The following SGCZ variants were observed in gnomAD, a reference collection of about 807,000 sequenced individuals.
SGCZ encodes sarcoglycan zeta, also known as zeta-sarcoglycan.
Under a neutral mutation model 41.3 loss-of-function variants are expected in SGCZ, and 40 were observed. That is an observed-to-expected ratio of 0.97 (90% confidence interval 0.75 to 1.26). The LOEUF (loss-of-function observed/expected upper bound fraction) is 1.26, where lower values mean the gene tolerates loss of function less well. SGCZ is among the 50% of genes most tolerant of loss of function. SGCZ has a pLI of 0.00. For synonymous variants in SGCZ, 206 were observed against 137.5 expected (o/e 1.50, Z -3.49); for missense variants, 552 against 369.8 (o/e 1.49, Z -4.04).
Position 14,102,373 on chromosome 8 carries a change from C to T in SGCZ, c.744+3G>A. 6.8e-7 allele frequency: 1 copy of T among 1,479,484 alleles called. No homozygotes were observed. The allele number at this position is 1,479,484 out of a possible 1,614,324, so 91.6% of individuals were successfully genotyped here. A position where few individuals can be genotyped will look rare whatever the true frequency, so the allele number is the denominator to read the frequency against. On this transcript the variant is annotated splice_donor_region_variant and intron_variant, in intron 7 of 7. Transcript: ENST00000382080. ...GGCGAGGGTCCAACTTTCTGGGACT[C>T]ACCTCCCCTTCTGTAGATTGCAGAT...
At chr8:14,245,143 G>T (rs1475969194) in intron 3 of SGCZ, among the ~76,000 whole-genome samples, 1 of 152,126 alleles carries the variant, frequency 6.6e-6, no homozygotes, top group Non-Finnish European at 1.5e-5. Flanking sequence ...GAAGAGGAGT[G>T]GTGAGAAAGG....
At chr8:14,488,985 G>T (rs939298481) in intron 2 of SGCZ, among the ~76,000 whole-genome samples, 1 of 145,884 alleles carries the variant, frequency 6.9e-6, no homozygotes, top group Non-Finnish European at 1.5e-5. Context: ...TATATATATA[G>T]ATATACATAA....
At chr8:14,672,323 G>A (rs954273486) in intron 1 of SGCZ, among the ~76,000 whole-genome samples, 1 of 152,048 alleles carries the variant, frequency 6.6e-6, no homozygotes, top group African/African-American at 2.4e-5. Flanking sequence ...ATATTCCATA[G>A]CGGAAAACCA....
intron 5 of SGCZ, among the ~76,000 whole-genome samples, chr8:14,140,263 A>G (rs1803326732): frequency 6.6e-6 from 1 of 152,220 alleles, no homozygotes; most frequent in Non-Finnish European, 1.5e-5. Flanking sequence ...AACTGGCACA[A>G]GACAAGGATG....
intron 3 of SGCZ, among the ~76,000 whole-genome samples, chr8:14,241,820 G>T (rs986695759): frequency 6.6e-6 from 1 of 152,058 alleles, no homozygotes. Flanking sequence ...GGGCATGGCT[G>T]CAATTTTCTA....
intron 2 of SGCZ, among the ~76,000 whole-genome samples, chr8:14,450,493 T>C (rs190226627): frequency 1.3e-5 from 2 of 152,316 alleles, no homozygotes; most frequent in East Asian, 3.9e-4. Flanking sequence ...AGTACAGTCA[T>C]ATGCCTTATC....
At chr8:15,141,221 A>T (rs1585605912) in intron 1 of SGCZ, among the ~76,000 whole-genome samples, 1 of 152,360 alleles carries the variant, frequency 6.6e-6, no homozygotes, top group African/African-American at 2.4e-5. Context: ...TTTCCCACAC[A>T]ACCCACATAA....
chr8:14,232,264 C>T (rs2117152586), intron 4 of SGCZ, among the ~76,000 whole-genome samples: 1 of 152,012 alleles, frequency 6.6e-6, no homozygotes, highest in African/African-American at 2.4e-5. Flanking sequence ...ATCTCTACTT[C>T]CTGACTTCAT....
chr8:15,023,807 C>T (rs1361465674), intron 1 of SGCZ, among the ~76,000 whole-genome samples: 1 of 152,076 alleles, frequency 6.6e-6, no homozygotes, highest in South Asian at 2.1e-4. Flanking sequence ...GGCCTGTGAG[C>T]CTGCCAGGAT....
At chr8:14,346,575 G>C (rs1802897047) in intron 2 of SGCZ, among the ~76,000 whole-genome samples, 1 of 151,958 alleles carries the variant, frequency 6.6e-6, no homozygotes, top group African/African-American at 2.4e-5. Context: ...GTAGGCATAT[G>C]TCAAATGCAT....
At chr8:14,131,090 T>C (rs184771595) in intron 5 of SGCZ, among the ~76,000 whole-genome samples, 24 of 152,278 alleles carry the variant, frequency 1.6e-4, no homozygotes, top group African/African-American at 5.8e-4. Context: ...GGATCTTTGA[T>C]CTTTTGCCTA....
At chr8:14,864,602 G>A (rs1241506964) in intron 1 of SGCZ, among the ~76,000 whole-genome samples, 1 of 152,042 alleles carries the variant, frequency 6.6e-6, no homozygotes, top group African/African-American at 2.4e-5. Context: ...TGTTTGTAGG[G>A]TTTTTAAATT....
chr8:15,213,415 A>G (rs1419973311), intron 1 of SGCZ, among the ~76,000 whole-genome samples: 1 of 151,756 alleles, frequency 6.6e-6, no homozygotes, highest in African/African-American at 2.4e-5. Context: ...ATGTTTCTAT[A>G]TGTGAAACAT....
At chr8:15,006,155 T>A (rs892352324) in intron 1 of SGCZ, among the ~76,000 whole-genome samples, 1 of 152,204 alleles carries the variant, frequency 6.6e-6, no homozygotes, top group African/African-American at 2.4e-5. Flanking sequence ...ACAAAACATA[T>A]TTTAATGTCT....
intron 5 of SGCZ, among the ~76,000 whole-genome samples, chr8:14,160,205 T>C (rs1448542806): frequency 6.6e-6 from 1 of 152,226 alleles, no homozygotes; most frequent in Non-Finnish European, 1.5e-5. Flanking sequence ...GTCTAACTAA[T>C]AGCTTTTAAT....
At chr8:15,142,760 C>T (rs1415603830) in intron 1 of SGCZ, among the ~76,000 whole-genome samples, 1 of 151,506 alleles carries the variant, frequency 6.6e-6, no homozygotes, top group Non-Finnish European at 1.5e-5. Flanking sequence ...TACAGGCACA[C>T]ATCACCGCAC....
rs747669272 is a variant in SGCZ at position 14,522,236 on chromosome 8, C to T, written c.234+32496G>A. Among the ~76,000 whole-genome samples the T allele has an allele frequency of 4.6e-5, 7 of 152,008 alleles. No homozygotes were observed. The South Asian group carries it at 8.3e-4, about 18-fold the overall frequency. On this transcript the variant is annotated intron_variant, in intron 2 of 7. Coordinates refer to ENST00000382080, the MANE Select transcript of SGCZ (RefSeq NM_139167.4). The stretch of plus-strand genomic sequence containing the variant: ...ATTGGTTTGTAGTTTTAGTTTTTGG[C>T]GCTGTCTTTGTCTGGTTTTGTTATC...
At chr8:15,119,661 AAT>A (rs749441380) in intron 1 of SGCZ, among the ~76,000 whole-genome samples, 65 of 152,208 alleles carry the variant, frequency 4.3e-4, no homozygotes, top group Non-Finnish European at 7.6e-4. Flanking sequence ...TGTATTTAGT[AAT>A]ATGATTCCTT....
chr8:14,100,716 TA>T (rs1563126141), intron 7 of SGCZ, among the ~76,000 whole-genome samples: 1 of 151,028 alleles, frequency 6.6e-6, no homozygotes, highest in South Asian at 2.1e-4. Context: ...AATCTGTTTT[TA>T]AAAAGGAAGT....
Sources: gnomAD v4.1 joint callset for allele counts (sites outside exome capture counted in the v4.1 genomes callset) on GRCh38, gnomAD v4.1.1 for gene constraint, MANE v1.5 for transcripts, NCBI Gene and HGNC (gene_info 2026-07-23, HGNC 2026-07-21) for gene names.